SLC28A3: variants seen among roughly 807,000 people sequenced by gnomAD.
The protein encoded by SLC28A3 is concentrative Na(+)-nucleoside cotransporter 3.
Under a neutral mutation model 84.2 loss-of-function variants are expected in SLC28A3, and 68 were observed. That is an observed-to-expected ratio of 0.81 (90% confidence interval 0.66 to 0.99). SLC28A3 has a LOEUF of 0.99. Ranked by LOEUF, SLC28A3 falls within the 50% of genes least tolerant of loss-of-function variation. The pLI is 0.00. For missense variants in SLC28A3, 712 were observed against 841.5 expected (o/e 0.85, Z 1.90); for synonymous variants, 267 against 303.6 (o/e 0.88, Z 1.25).
chr9:84,342,204 C>T (rs1308379486), upstream of SLC28A3, among the ~76,000 whole-genome samples: 2 of 148,572 alleles, frequency 1.3e-5, no homozygotes, highest in Non-Finnish European at 3.0e-5. Flanking sequence ...GGTTATTTCT[C>T]GGTTTTTAAT....
chr9:84,361,704 T>TC, the SLC28A3 span, among the ~76,000 whole-genome samples: 1 of 150,772 alleles, frequency 6.6e-6, no homozygotes, highest in African/African-American at 2.4e-5. Flanking sequence ...TAGGGTAGAT[T>TC]CCCCCCAAAA....
Position 84,301,369 on chromosome 9 carries a change from A to AAAAAAAAAAAAAAAAAAG in SLC28A3, c.524+830_524+831insCTTTTTTTTTTTTTTTTT, listed in dbSNP as rs753889714. Among the ~76,000 whole-genome samples the AAAAAAAAAAAAAAAAAAG allele has an allele frequency of 1.2e-4, 16 of 132,418 alleles. No individual in the cohort carries two copies. The East Asian group carries it at 1.4e-3, about 11-fold the overall frequency. The allele number at this position is 132,418 out of a possible 152,430, so 86.9% of individuals were successfully genotyped here. The stretch of plus-strand genomic sequence containing the variant: ...TGTCTCAAAAAAAAAAAAAAAAAAA[A>AAAAAAAAAAAAAAAAAAG]AAAAAGAAAAGGCTGTAAACATTGG... On this transcript the variant is annotated intron_variant, in intron 5 of 17. Transcript: ENST00000376238.
chr9:84,286,924 C>T (rs909667694), intron 12 of SLC28A3, among the ~76,000 whole-genome samples: 4 of 152,032 alleles, frequency 2.6e-5, no homozygotes, highest in Non-Finnish European at 4.4e-5. Flanking sequence ...ATTGTGTGTC[C>T]GGGTGCAGTG....
chr9:84,293,672 CTGTGTGTGTGTA>C (rs1385089904), intron 9 of SLC28A3, among the ~76,000 whole-genome samples: 2 of 152,098 alleles, frequency 1.3e-5, no homozygotes, highest in African/African-American at 4.8e-5. Flanking sequence ...AACTCTTCAG[CTGTGTGTGTGTA>C]TGTGTGTGTG....
the SLC28A3 span, among the ~76,000 whole-genome samples, chr9:84,346,200 A>C: frequency 6.6e-6 from 1 of 152,142 alleles, no homozygotes; most frequent in Non-Finnish European, 1.5e-5. Flanking sequence ...GTTCTCTAAA[A>C]CTCAGCTTAT....
Position 84,297,151 on chromosome 9 carries a change from A to C in SLC28A3, c.861+70T>G, listed in dbSNP as rs139831812. ...CCTGGTTTTTGGTCAGTTAAGTTCT[A>C]TCTGAACATCTACAAAGACAGAAGC... On this transcript the variant is annotated intron_variant, in intron 8 of 17. Transcript: ENST00000376238. The C allele has an allele frequency of 1.4e-3, 1,969 of 1,378,182 alleles. 17 individuals carry two copies. Among genetic ancestry groups the C allele is most frequent in the South Asian group, 0.013 (1,060 of 80,766 alleles). The allele number at this position is 1,378,182 out of a possible 1,614,324, so 85.4% of individuals were successfully genotyped here.
intron 1 of SLC28A3, among the ~76,000 whole-genome samples, chr9:84,320,118 T>C (rs1554728774): frequency 6.8e-6 from 1 of 147,052 alleles, no homozygotes; most frequent in Non-Finnish European, 1.5e-5. Context: ...GGCATGATCT[T>C]GACTCACTGC....
chr9:84,314,465 A>G (rs4877842), intron 1 of SLC28A3, among the ~76,000 whole-genome samples: 55,388 of 152,078 alleles, frequency 0.36, 10,872 homozygotes, highest in East Asian at 0.62. Flanking sequence ...CTATGACTGC[A>G]TCTTCAAAGA....
intron 7 of SLC28A3, 92 bp from the exon 8 acceptor site, chr9:84,297,390 C>A: frequency 1.0e-6 from 1 of 978,222 alleles, no homozygotes; most frequent in Non-Finnish European, 1.5e-6. Flanking sequence ...GAGGACGGAC[C>A]CAGCAAATGT....
the SLC28A3 span, among the ~76,000 whole-genome samples, chr9:84,360,077 C>A: frequency 6.6e-6 from 1 of 150,826 alleles, no homozygotes; most frequent in Non-Finnish European, 1.5e-5. Flanking sequence ...GAGACTCTGA[C>A]GTGGGAAGGA....
the SLC28A3 span, among the ~76,000 whole-genome samples, chr9:84,355,444 A>C: frequency 6.6e-6 from 1 of 152,304 alleles, no homozygotes; most frequent in East Asian, 1.9e-4. Flanking sequence ...TCTTGGGGGA[A>C]AAAAACACGT....
chr9:84,312,160 C>G (rs1274033752), intron 2 of SLC28A3, among the ~76,000 whole-genome samples: 1 of 152,178 alleles, frequency 6.6e-6, no homozygotes, highest in African/African-American at 2.4e-5. Flanking sequence ...CAAGTGTTGG[C>G]AATTACAAAT....
chr9:84,299,441 A>G, intron 6 of SLC28A3, 140 bp downstream of exon 6: 1 of 1,051,190 alleles, frequency 9.5e-7, no homozygotes. Context: ...AAGATAGGGC[A>G]CCCTGGTCAC....
chr9:84,334,866 C>T (rs1403665571), intron 1 of SLC28A3, among the ~76,000 whole-genome samples: 1 of 152,130 alleles, frequency 6.6e-6, no homozygotes, highest in Non-Finnish European at 1.5e-5. Flanking sequence ...ACTCTATAGA[C>T]TCCTCTGTCC....
upstream of SLC28A3, among the ~76,000 whole-genome samples, chr9:84,342,034 C>T (rs1258388902): frequency 3.4e-5 from 5 of 147,432 alleles, no homozygotes; most frequent in South Asian, 2.1e-4. Context: ...GAGGCTGAGG[C>T]GGGAGAATCG....
intron 4 of SLC28A3, among the ~76,000 whole-genome samples, chr9:84,304,072 C>A (rs926959928): frequency 6.6e-6 from 1 of 152,184 alleles, no homozygotes; most frequent in African/African-American, 2.4e-5. Flanking sequence ...AATGTTTGAA[C>A]CTCGTGATTG....
At chr9:84,299,390 G>A (rs1299728479) in intron 6 of SLC28A3, among the ~76,000 whole-genome samples, 191 bp downstream of exon 6, 2 of 152,074 alleles carry the variant, frequency 1.3e-5, no homozygotes, top group Non-Finnish European at 2.9e-5. Flanking sequence ...TACTGAGAAT[G>A]GAGCATGAAA....
chr9:84,335,159 A>G (rs534352751), intron 1 of SLC28A3, among the ~76,000 whole-genome samples: 3 of 152,292 alleles, frequency 2.0e-5, no homozygotes, highest in African/African-American at 7.2e-5. Context: ...CTTCATGAAG[A>G]TGCCTGGAGT....
chr9:84,334,131 C>T (rs1718311262), intron 1 of SLC28A3, among the ~76,000 whole-genome samples: 1 of 152,072 alleles, frequency 6.6e-6, no homozygotes, highest in African/African-American at 2.4e-5. Flanking sequence ...AGGGTGAAAC[C>T]CCGTCTCTAC....
Sources: gnomAD v4.1 joint callset for allele counts (sites outside exome capture counted in the v4.1 genomes callset) on GRCh38, gnomAD v4.1.1 for gene constraint, MANE v1.5 for transcripts, NCBI Gene and HGNC (gene_info 2026-07-23, HGNC 2026-07-21) for gene names.